Variants in LAPTM5 observed in about 807,000 individuals in gnomAD.
LAPTM5 encodes the protein lysosomal protein transmembrane 5.
LAPTM5 carries 11 observed loss-of-function variants against 30.1 expected under a neutral mutation model. The ratio of observed to expected loss-of-function variants is 0.37; its 90% CI spans 0.23 to 0.60. The LOEUF (loss-of-function observed/expected upper bound fraction) is 0.60, where lower values mean the gene tolerates loss of function less well. LAPTM5 is among the 20% of genes least tolerant of loss of function. LAPTM5 has a pLI of 0.71. For synonymous variants in LAPTM5, 151 were observed against 137.9 expected, an observed-to-expected ratio of 1.10 and a Z score of -0.67; for missense variants, 324 against 332.5, an observed-to-expected ratio of 0.97 and a Z score of 0.20.
At chr1:30,741,781 G>T in intron 2 of LAPTM5, 65 bp from the exon 3 acceptor site, 1 of 1,234,558 alleles carries the variant, frequency 8.1e-7, no homozygotes, top group South Asian at 1.4e-5. Context: ...AGGCTCCCAG[G>T]ACCACACTTG....
In LAPTM5 at chr1:30,733,483, C is replaced by T; in HGVS notation, c.*345G>A. ...ACTGACAAGTGGGTTTTTGATTTGT[C>T]AGTTGCTTGGCTGAACTGATCAAGT... On this transcript the variant is annotated 3_prime_UTR_variant, in exon 8 of 8. Coordinates refer to ENST00000294507, the MANE Select transcript of LAPTM5 (RefSeq NM_006762.3). The T allele has an allele frequency of 2.2e-6, 3 of 1,347,858 alleles. No individual in the cohort carries two copies. Among genetic ancestry groups the T allele is most frequent in the South Asian group, 2.5e-5 (2 of 78,732 alleles). 83.5% of individuals were successfully genotyped at this position (1,347,858 alleles called of 1,614,324 possible).
Position 30,739,210 on chromosome 1 carries a change from C to G in LAPTM5, c.388-148G>C. On this transcript the variant is annotated intron_variant, in intron 4 of 7. Transcript: ENST00000294507. This position sits in a 1 kb window ranked among gnomAD's most constrained non-coding sequence, Gnocchi z 4.2. ...TCCCCTGTGCACAGAGAGACATGAACACACAGATGTTCATACCAAGAGCTG... is the reference window on the plus strand; with the variant it reads ...TCCCCTGTGCACAGAGAGACATGAAGACACAGATGTTCATACCAAGAGCTG... The G allele has an allele frequency of 1.9e-6, 2 of 1,034,012 alleles. No individual in the cohort carries two copies. Among genetic ancestry groups the G allele is most frequent in the Non-Finnish European group, 2.7e-6 (2 of 729,532 alleles). The allele number at this position is 1,034,012 out of a possible 1,614,324, so 64.1% of individuals were successfully genotyped here.
Position 30,739,908 on chromosome 1 carries a change from C to A in LAPTM5, c.288G>T (p.Leu96=), listed in dbSNP as rs1450096898. 6.2e-7 allele frequency: 1 copy of A among 1,604,262 alleles called. No homozygotes were observed. The highest frequency in any genetic ancestry group is 8.5e-7 in the Non-Finnish European group (1 of 1,174,282). The part of the protein sequence containing the change: ...KNREKYLLPF[L]SLQIMDYLLC... The stretch of plus-strand genomic sequence containing the variant: ...GGAGATAGTCCATGATTTGCAGGGA[C>A]AGGAAGGGCAGCAGGTACTTCTCCC... The change falls in exon 4 of 8, where the codon CTG becomes CTT. Residue 96 remains leucine (L), a synonymous_variant. Transcript: ENST00000294507. This position sits in a 1 kb window ranked among gnomAD's most constrained non-coding sequence, Gnocchi z 4.2.
At chr1:30,734,807 C>G (rs947371714) in intron 7 of LAPTM5, among the ~76,000 whole-genome samples, 1 of 152,226 alleles carries the variant, frequency 6.6e-6, no homozygotes, top group African/African-American at 2.4e-5. Context: ...GAAGGCTTCC[C>G]TGATACCTGA....
chr1:30,741,056 A>G (rs1488758291), intron 3 of LAPTM5, among the ~76,000 whole-genome samples: 1 of 152,150 alleles, frequency 6.6e-6, no homozygotes, highest in Non-Finnish European at 1.5e-5. Flanking sequence ...CAACTCTCCC[A>G]CCAGATTTGC....
At chr1:30,745,981 C>G (rs1200604102) in intron 1 of LAPTM5, 2 of 152,232 alleles carry the variant, frequency 1.3e-5, no homozygotes, top group African/African-American at 4.8e-5. Flanking sequence ...GGGGTCAGGG[C>G]TCCCCACAAG....
rs1357985985 is a variant in LAPTM5, at chr1:30,735,194, TCTC to T, written c.675_677del (p.Arg226del). 1 of 1,613,776 alleles carries T rather than the reference TCTC, an allele frequency of 6.2e-7. No homozygotes were observed. Among genetic ancestry groups the T allele is most frequent in the Non-Finnish European group, 8.5e-7 (1 of 1,179,824 alleles). ...TCACCTTCTGGAGCATCTTGGAGTTTCTCTTCTCCTCCACCGAGTTCATGCACT... is the reference window on the plus strand; with the variant it reads ...TCACCTTCTGGAGCATCTTGGAGTTTTTCTCCTCCACCGAGTTCATGCACT... On this transcript the variant is annotated inframe_deletion, in exon 7 of 8. Coordinates refer to ENST00000294507, the MANE Select transcript of LAPTM5 (RefSeq NM_006762.3).
At position 30,746,702 on chromosome 1, in the gene LAPTM5, C is replaced by T. The variant is rs1241328221; in HGVS notation, c.88-4153G>A. 6.6e-6 allele frequency among the ~76,000 whole-genome samples: 1 copy of T among 152,138 alleles called. No individual in the cohort carries two copies. The highest frequency in any genetic ancestry group is 6.5e-5 in the Admixed American group (1 of 15,276). Reference sequence around the variant, plus strand: ...TGGTGAGATCATGAAGATAAGAGCTCGGGTGCTGGGGTCAGATGGCCCCAG... The same window carrying T: ...TGGTGAGATCATGAAGATAAGAGCTTGGGTGCTGGGGTCAGATGGCCCCAG... On this transcript the variant is annotated intron_variant, in intron 1 of 7. Coordinates refer to ENST00000294507, the MANE Select transcript of LAPTM5 (RefSeq NM_006762.3). The surrounding 1 kb of genome is among the most constrained non-coding windows in gnomAD (Gnocchi z 4.0).
chr1:30,741,600 C>T (rs1428338950), intron 3 of LAPTM5, 40 bp downstream of exon 3: 4 of 1,494,754 alleles, frequency 2.7e-6, no homozygotes, highest in South Asian at 2.5e-5. Flanking sequence ...GTGTGAATAA[C>T]AGGAAGGGGC....
At position 30,739,038 on chromosome 1, in the gene LAPTM5, T is replaced by A; in HGVS notation, c.412A>T (p.Thr138Ser). The change falls in exon 5 of 8, where the codon ACG becomes TCG. Residue 138 changes from threonine (T) to serine (S), a missense_variant. Coordinates refer to ENST00000294507, the MANE Select transcript of LAPTM5 (RefSeq NM_006762.3). This position sits in a 1 kb window ranked among gnomAD's most constrained non-coding sequence, Gnocchi z 4.2. ...AGGCAGAAGTCCAGCAGCTGCAGCGTCATCAGGGGGAACTTGGAGGAGCTC... is the reference window on the plus strand; with the variant it reads ...AGGCAGAAGTCCAGCAGCTGCAGCGACATCAGGGGGAACTTGGAGGAGCTC... ...RASSSKFPLM[T>S]LQLLDFCLSI... The A allele has an allele frequency of 2.5e-6, 4 of 1,601,328 alleles. No individual in the cohort carries two copies. Among genetic ancestry groups the A allele is most frequent in the Non-Finnish European group, 3.4e-6 (4 of 1,173,486 alleles).
chr1:30,734,320 T>C (rs1249993217), intron 7 of LAPTM5, among the ~76,000 whole-genome samples: 1 of 152,130 alleles, frequency 6.6e-6, no homozygotes, highest in African/African-American at 2.4e-5. Context: ...CCCAAGTTGG[T>C]CCAATCAGAC....
intron 7 of LAPTM5, 76 bp downstream of exon 7, chr1:30,735,097 G>C: frequency 1.0e-6 from 1 of 980,578 alleles, no homozygotes; most frequent in East Asian, 2.4e-5. Flanking sequence ...CCAAGGTCCA[G>C]AGAGGGAAGG....
intron 5 of LAPTM5, among the ~76,000 whole-genome samples, chr1:30,737,958 C>T (rs1639912378): frequency 6.6e-6 from 1 of 152,198 alleles, no homozygotes; most frequent in Admixed American, 6.5e-5. Context: ...CGGCCCATCC[C>T]CAGCTGGCAG....
chr1:30,738,387 G>A (rs1639918587), intron 5 of LAPTM5, among the ~76,000 whole-genome samples: 1 of 152,162 alleles, frequency 6.6e-6, no homozygotes, highest in Non-Finnish European at 1.5e-5. Flanking sequence ...TCCACAGGAT[G>A]AGGAATTAGG....
Position 30,733,526 on chromosome 1 carries a change from A to G in LAPTM5, c.*302T>C. The stretch of plus-strand genomic sequence containing the variant: ...GATCAAGTCGATAGTTGCTTGACAA[A>G]CTCACCAACTTTAGAATGGCCAATC... On this transcript the variant is annotated 3_prime_UTR_variant, in exon 8 of 8. Coordinates refer to ENST00000294507, the MANE Select transcript of LAPTM5 (RefSeq NM_006762.3). 1.4e-6 allele frequency: 2 copies of G among 1,448,192 alleles called. No homozygotes were observed. The highest frequency in any genetic ancestry group is 1.8e-6 in the Non-Finnish European group (2 of 1,091,520). The allele number at this position is 1,448,192 out of a possible 1,614,324, so 89.7% of individuals were successfully genotyped here.
chr1:30,752,997 AG>A (rs1458520723), intron 1 of LAPTM5, among the ~76,000 whole-genome samples: 1 of 151,850 alleles, frequency 6.6e-6, no homozygotes, highest in African/African-American at 2.4e-5. Flanking sequence ...TAGTAAAGAC[AG>A]GGTTTTGTCC....
rs1209295003 is a variant in LAPTM5, at chr1:30,739,009, G to A, written c.441C>T (p.Ser147=). The A allele has an allele frequency of 6.2e-7, 1 of 1,607,586 alleles. No individual in the cohort carries two copies. Among genetic ancestry groups the A allele is most frequent in the Non-Finnish European group, 8.5e-7 (1 of 1,177,128 alleles). The change falls in exon 5 of 8, where the codon AGC becomes AGT. Residue 147 remains serine (S), a synonymous_variant. Coordinates refer to ENST00000294507, the MANE Select transcript of LAPTM5 (RefSeq NM_006762.3). The surrounding 1 kb of genome is among the most constrained non-coding windows in gnomAD (Gnocchi z 4.2). ...TGTAGGAGCTGCAGAGGGTCAGGAT[G>A]CTCAGGCAGAAGTCCAGCAGCTGCA... is the stretch of plus-strand genomic sequence containing the variant. ...MTLQLLDFCL[S]ILTLCSSYME... is the part of the protein sequence containing the mutation.
chr1:30,741,771 A>C, intron 2 of LAPTM5, 55 bp from the exon 3 acceptor site: 1 of 1,357,608 alleles, frequency 7.4e-7, no homozygotes, highest in Non-Finnish European at 1.0e-6. Flanking sequence ...GACCCCAGCC[A>C]GGCTCCCAGG....
intron 1 of LAPTM5, among the ~76,000 whole-genome samples, chr1:30,757,402 G>T (rs777950944): frequency 1.3e-5 from 2 of 152,294 alleles, no homozygotes; most frequent in Middle Eastern, 3.4e-3. Flanking sequence ...CGGAGTGAAC[G>T]TCAGTTACAT....
Sources: gnomAD v4.1 joint callset for allele counts (sites outside exome capture counted in the v4.1 genomes callset) on GRCh38, gnomAD v4.1.1 for gene constraint, Gnocchi (gnomAD v3.1) non-coding constraint, MANE v1.5 for transcripts, NCBI Gene and HGNC (gene_info 2026-07-23, HGNC 2026-07-21) for gene names.